Variants in TNNI3K observed in about 807,000 individuals in gnomAD.
TNNI3K encodes serine/threonine-protein kinase TNNI3K.
TNNI3K carries 140 observed loss-of-function variants against 114.5 expected under a neutral mutation model. The observed-to-expected ratio is 1.22, with a 90% CI of 1.07 to 1.41. The LOEUF (loss-of-function observed/expected upper bound fraction) is 1.41, where lower values mean the gene tolerates loss of function less well. Among genes scored for constraint, TNNI3K ranks in the 40% most tolerant of loss-of-function variants. The pLI is 0.00. For synonymous variants in TNNI3K, 347 were observed against 347.5 expected (o/e 1.00, Z 0.02); for missense variants, 1,125 against 1,007.6 (o/e 1.12, Z -1.58).
intron 9 of TNNI3K, among the ~76,000 whole-genome samples, chr1:74,352,431 A>C (rs1043978251): frequency 3.9e-5 from 6 of 152,188 alleles, no homozygotes; most frequent in African/African-American, 1.4e-4. Flanking sequence ...CCACTTGAGG[A>C]GGCAGTCTGC....
Position 74,544,276 on chromosome 1 carries a change from C to A in TNNI3K, c.*294C>A. 1 of 299,144 alleles carries A rather than the reference C, an allele frequency of 3.3e-6. No individual in the cohort carries two copies. Among genetic ancestry groups the A allele is most frequent in the Non-Finnish European group, 6.1e-6 (1 of 164,720 alleles). The allele number at this position is 299,144 out of a possible 1,614,324, so 18.5% of individuals were successfully genotyped here. A position where few individuals can be genotyped will look rare whatever the true frequency, so the allele number is the denominator to read the frequency against. On this transcript the variant is annotated 3_prime_UTR_variant, in exon 25 of 25. Coordinates refer to ENST00000326637, the MANE Select transcript of TNNI3K (RefSeq NM_015978.3). The stretch of plus-strand genomic sequence containing the variant: ...AAATGGAGCCTAAGTCTGTGGTGGA[C>A]AGATAATAATTATGTTTTCCTGGGC...
At position 74,260,026 on chromosome 1, in the gene TNNI3K, G is replaced by C. The variant is rs558204787; in HGVS notation, c.333+9257G>C. Among the ~76,000 whole-genome samples the C allele has an allele frequency of 5.9e-5, 9 of 152,038 alleles. No homozygotes were observed. In the South Asian group the frequency reaches 1.5e-3, roughly 25 times the overall value. On this transcript the variant is annotated intron_variant, in intron 4 of 24. Transcript: ENST00000326637. Reference sequence around the variant, plus strand: ...AACAGTTCCACATGTCTTTATTTTTGTTTTTATAATTTCTTCTGCTTAAAT... The same window carrying C: ...AACAGTTCCACATGTCTTTATTTTTCTTTTTATAATTTCTTCTGCTTAAAT...
intron 5 of TNNI3K, among the ~76,000 whole-genome samples, chr1:74,277,394 C>A (rs951482189): frequency 6.6e-6 from 1 of 151,932 alleles, no homozygotes; most frequent in African/African-American, 2.4e-5. Context: ...ACAGCTTATA[C>A]CCACAAGACA....
intron 2 of TNNI3K, among the ~76,000 whole-genome samples, chr1:74,249,077 T>A (rs1381506168): frequency 2.0e-5 from 3 of 152,010 alleles, no homozygotes; most frequent in African/African-American, 7.3e-5. Context: ...ATAATCAATT[T>A]TATATATGTA....
chr1:74,361,805 T>C (rs1251569454), intron 11 of TNNI3K, among the ~76,000 whole-genome samples: 1 of 151,816 alleles, frequency 6.6e-6, no homozygotes, highest in Non-Finnish European at 1.5e-5. Flanking sequence ...CAATGAATAT[T>C]TGAGGAAGAA....
intron 17 of TNNI3K, among the ~76,000 whole-genome samples, chr1:74,401,300 G>A (rs1245765552): frequency 6.6e-6 from 1 of 152,054 alleles, no homozygotes; most frequent in African/African-American, 2.4e-5. Context: ...ATGTTCTAAA[G>A]CTTTTTTTAA....
chr1:74,349,350 A>G (rs1309499075), intron 9 of TNNI3K, among the ~76,000 whole-genome samples: 1 of 152,080 alleles, frequency 6.6e-6, no homozygotes, highest in East Asian at 1.9e-4. Context: ...AAGCTTTTTA[A>G]TGTGTTGCTG....
Position 74,369,401 on chromosome 1 carries a change from A to G in TNNI3K, c.1483A>G (p.Asn495Asp). 6.2e-7 allele frequency: 1 copy of G among 1,610,396 alleles called. No individual in the cohort carries two copies. The highest frequency in any genetic ancestry group is 1.1e-5 in the South Asian group (1 of 90,572). The stretch of plus-strand genomic sequence containing the variant: ...TGCTGCCATTTCCAGTTATCGAGCC[A>G]ATACCTACTGCTCCAAGTCAGATGT... ...KIVAIKRYRA[N>D]TYCSKSDVDM... Residue 495 changes from asparagine (N) to aspartate (D), a missense_variant, in exon 16 of 25, where the codon AAT (asparagine) becomes GAT (aspartate). Physicochemically the swap from Asn to Asp is conservative, Grantham distance 23 (BLOSUM62 1). Coordinates refer to ENST00000326637, the MANE Select transcript of TNNI3K (RefSeq NM_015978.3).
chr1:74,498,709 C>T (rs1304547147), intron 23 of TNNI3K, among the ~76,000 whole-genome samples: 1 of 152,068 alleles, frequency 6.6e-6, no homozygotes, highest in Non-Finnish European at 1.5e-5. Context: ...ACTAGATATT[C>T]CACTACTTTT....
rs535063522 is a variant in TNNI3K at position 74,294,048 on chromosome 1, A to T, written c.444+22340A>T. On this transcript the variant is annotated intron_variant, in intron 5 of 24. Coordinates refer to ENST00000326637, the MANE Select transcript of TNNI3K (RefSeq NM_015978.3). Reference sequence around the variant, plus strand: ...CCTAACATAAGTTGCACTTTTTCTGACATGTCATTTTTATACTCGTTGAAT... The same window carrying T: ...CCTAACATAAGTTGCACTTTTTCTGTCATGTCATTTTTATACTCGTTGAAT... 1.1e-4 allele frequency among the ~76,000 whole-genome samples: 16 copies of T among 151,762 alleles called. No homozygotes were observed. The East Asian group carries it at 3.1e-3, about 29-fold the overall frequency.
rs188538530 is a variant in TNNI3K, at chr1:74,324,228, G to T, written c.445-7222G>T. Among the ~76,000 whole-genome samples, 3 of 152,312 alleles carry T rather than the reference G, an allele frequency of 2.0e-5. No homozygotes were observed. In the East Asian group the frequency reaches 5.8e-4, roughly 29 times the overall value. ...CTTGTTGATATTTACAGACCTCCTT[G>T]TGGCTCTTATCTGACCTGTGTCCAG... On this transcript the variant is annotated intron_variant, in intron 5 of 24. Coordinates refer to ENST00000326637, the MANE Select transcript of TNNI3K (RefSeq NM_015978.3).
intron 23 of TNNI3K, among the ~76,000 whole-genome samples, chr1:74,537,965 G>A (rs1004347849): frequency 2.0e-5 from 3 of 152,104 alleles, no homozygotes; most frequent in African/African-American, 4.8e-5. Context: ...CCATTTTATA[G>A]TTGTATCACT....
rs11422312 is a variant in TNNI3K at position 74,473,532 on chromosome 1, AT to A, written c.2121+9993del. Among the ~76,000 whole-genome samples the A allele has an allele frequency of 2.1e-3, 319 of 149,518 alleles. 2 individuals carry two copies. Among genetic ancestry groups the A allele is most frequent in the Middle Eastern group, 3.4e-3 (1 of 290 alleles). On this transcript the variant is annotated intron_variant, in intron 21 of 24. Coordinates refer to ENST00000326637, the MANE Select transcript of TNNI3K (RefSeq NM_015978.3). ...CAGCACTATTGCTATTTAAAAGGCT[AT>A]TTTTTTTTTTCATTTTTAACATTGT...
chr1:74,442,872 C>G (rs181240049), intron 20 of TNNI3K, among the ~76,000 whole-genome samples: 18 of 152,142 alleles, frequency 1.2e-4, no homozygotes, highest in Non-Finnish European at 1.9e-4. Context: ...TTAAAAATCA[C>G]ACGACTACAT....
intron 5 of TNNI3K, among the ~76,000 whole-genome samples, chr1:74,311,013 T>A (rs1332447206): frequency 6.6e-6 from 1 of 152,164 alleles, no homozygotes; most frequent in Admixed American, 6.5e-5. Context: ...CTAAGTCAGT[T>A]GGTCCCCAGT....
At chr1:74,437,209 C>A (rs1666174796) in intron 19 of TNNI3K, among the ~76,000 whole-genome samples, 1 of 152,026 alleles carries the variant, frequency 6.6e-6, no homozygotes, top group Non-Finnish European at 1.5e-5. Context: ...TCTTTAAGTT[C>A]ATCTTAACCT....
At chr1:74,336,741 AG>A (rs1279199165) in intron 7 of TNNI3K, among the ~76,000 whole-genome samples, 5 of 151,044 alleles carry the variant, frequency 3.3e-5, no homozygotes, top group African/African-American at 4.9e-5. Context: ...TTCTTAATCC[AG>A]TCTATCATTG....
intron 7 of TNNI3K, chr1:74,342,048 A>T (rs1201143775): frequency 1.3e-5 from 2 of 152,170 alleles, no homozygotes; most frequent in African/African-American, 2.4e-5. Context: ...CTAAACCAGG[A>T]CATATGGTCA....
chr1:74,483,630 T>C (rs914271804), intron 21 of TNNI3K, among the ~76,000 whole-genome samples: 4 of 152,240 alleles, frequency 2.6e-5, no homozygotes, highest in Non-Finnish European at 5.9e-5. Context: ...AAAAATTAAG[T>C]TACTTTGCAA....
Sources: gnomAD v4.1 joint callset for allele counts (sites outside exome capture counted in the v4.1 genomes callset) on GRCh38, gnomAD v4.1.1 for gene constraint, MANE v1.5 for transcripts, NCBI Gene and HGNC (gene_info 2026-07-23, HGNC 2026-07-21) for gene names.